DEPDC5: variants seen among roughly 807,000 people sequenced by gnomAD.
DEPDC5 encodes the protein DEP domain containing 5, GATOR1 subcomplex subunit, also known as GATOR1 complex protein DEPDC5.
In DEPDC5, 73 loss-of-function variants were observed where a neutral mutation model predicts 217.3. That is an observed-to-expected ratio of 0.34 (90% CI 0.28 to 0.41). The LOEUF (loss-of-function observed/expected upper bound fraction) is 0.41, where lower values mean the gene tolerates loss of function less well. Among genes scored for constraint, DEPDC5 ranks in the 10% least tolerant of loss-of-function variants. The pLI is 1.00. For synonymous variants in DEPDC5, 733 were observed against 756.7 expected (o/e 0.97, Z 0.51); for missense variants, 1,675 against 2,070.1 (o/e 0.81, Z 3.70).
chr22:31,783,696 C>T (rs1307073399), intron 8 of DEPDC5, among the ~76,000 whole-genome samples: 4 of 152,078 alleles, frequency 2.6e-5, no homozygotes, highest in African/African-American at 7.2e-5. Context: ...AGAAGTCCAA[C>T]ATTGCAAGAT....
intron 24 of DEPDC5, among the ~76,000 whole-genome samples, chr22:31,830,556 T>G (rs1421447980): frequency 6.6e-6 from 1 of 152,050 alleles, no homozygotes; most frequent in Non-Finnish European, 1.5e-5. Context: ...TGGAAGTCCT[T>G]AAAATATTTG....
Position 31,821,640 on chromosome 22 carries a change from G to A in DEPDC5, c.2006+3G>A, listed in dbSNP as rs752184633. The A allele has an allele frequency of 2.9e-5, 46 of 1,612,800 alleles. No homozygotes were observed. Among genetic ancestry groups the A allele is most frequent in the Admixed American group, 6.7e-5 (4 of 59,996 alleles). Reference sequence around the variant, plus strand: ...GCATATCATGAAGCTGCTGGAAGGTGAGGATGTGCACAGGGCTCTGGAAGG... The same window carrying A: ...GCATATCATGAAGCTGCTGGAAGGTAAGGATGTGCACAGGGCTCTGGAAGG... On this transcript the variant is annotated splice_donor_region_variant and intron_variant, in intron 23 of 42. Transcript: ENST00000651528.
intron 15 of DEPDC5, among the ~76,000 whole-genome samples, chr22:31,803,912 C>A (rs2087172816): frequency 6.6e-6 from 1 of 152,048 alleles, no homozygotes; most frequent in South Asian, 2.1e-4. Flanking sequence ...CAAGTCATGA[C>A]CTGTAGGACA....
At chr22:31,844,750 C>T in intron 29 of DEPDC5, 1 of 218,470 alleles carries the variant, frequency 4.6e-6, no homozygotes, top group Non-Finnish European at 8.1e-6. Flanking sequence ...GAGATGGGGT[C>T]TCGCCATGTT....
At chr22:31,876,134 C>G (rs762912453) in intron 36 of DEPDC5, 23 bp from the exon 37 acceptor site, 59 of 1,611,110 alleles carry the variant, frequency 3.7e-5, no homozygotes, top group Non-Finnish European at 4.8e-5. Flanking sequence ...GCAGGAATTT[C>G]AGAGTTTCAA....
At chr22:31,797,492 C>T (rs2148572632) in intron 12 of DEPDC5, 108 bp from the exon 13 acceptor site, 1 of 833,052 alleles carries the variant, frequency 1.2e-6, no homozygotes, top group Non-Finnish European at 2.0e-6. Context: ...CCACCAGGTT[C>T]CTCCCTCGAC....
At chr22:31,884,559 A>T (rs2093260237) in intron 38 of DEPDC5, among the ~76,000 whole-genome samples, 1 of 152,066 alleles carries the variant, frequency 6.6e-6, no homozygotes, top group East Asian at 1.9e-4. Context: ...TTCATTTTAA[A>T]ATCAGTTTCC....
At chr22:31,857,399 AG>A in intron 31 of DEPDC5, 45 bp from the exon 32 acceptor site, 3 of 1,512,636 alleles carry the variant, frequency 2.0e-6, no homozygotes, top group South Asian at 2.4e-5. Flanking sequence ...ATCCTTCACC[AG>A]GGAGCTCTGA....
At chr22:31,848,605 A>T (rs1569098832) in intron 31 of DEPDC5, among the ~76,000 whole-genome samples, 1 of 152,088 alleles carries the variant, frequency 6.6e-6, no homozygotes, top group Non-Finnish European at 1.5e-5. Flanking sequence ...CAGGCCCAGG[A>T]AACCAATTTT....
At chr22:31,830,407 C>T (rs991595154) in intron 24 of DEPDC5, among the ~76,000 whole-genome samples, 2 of 152,262 alleles carry the variant, frequency 1.3e-5, no homozygotes, top group Non-Finnish European at 2.9e-5. Context: ...TGAGGTTTCA[C>T]CTCCATCATT....
intron 7 of DEPDC5, among the ~76,000 whole-genome samples, chr22:31,773,956 A>G (rs1474987154): frequency 7.9e-5 from 12 of 152,068 alleles, no homozygotes; most frequent in Admixed American, 7.9e-4. Flanking sequence ...CTGTAATCCC[A>G]GCTACTCGGG....
At chr22:31,771,648 A>T in intron 7 of DEPDC5, among the ~76,000 whole-genome samples, 1 of 147,364 alleles carries the variant, frequency 6.8e-6, no homozygotes, top group African/African-American at 2.5e-5. Flanking sequence ...TGAACCAGGG[A>T]GTCAGAGGTT....
At chr22:31,774,370 T>C (rs1010768738) in intron 7 of DEPDC5, among the ~76,000 whole-genome samples, 7 of 151,754 alleles carry the variant, frequency 4.6e-5, no homozygotes, top group Non-Finnish European at 1.0e-4. Context: ...TGGCTAATTT[T>C]GTGTTTTTAG....
intron 12 of DEPDC5, among the ~76,000 whole-genome samples, chr22:31,795,221 C>T (rs2086110485): frequency 6.6e-6 from 1 of 151,824 alleles, no homozygotes; most frequent in South Asian, 2.1e-4. Context: ...AGGCATCTGC[C>T]ATCACACCTG....
At position 31,905,990 on chromosome 22, in the gene DEPDC5, G is replaced by T; in HGVS notation, c.4443G>T (p.Gly1481=). The change falls in exon 42 of 43, where the codon GGG becomes GGT. Residue 1481 remains glycine, a synonymous_variant. Transcript: ENST00000651528. ...TCTTCCTGTCCTTCCCTAGGTTTGG[G>T]TTTGTACAAGATAAATATTCTGCCT... The part of the protein sequence containing the change: ...LFQEAIAHRF[G]FVQDKYSASA... 6.2e-7 allele frequency: 1 copy of T among 1,614,096 alleles called. No individual in the cohort carries two copies. The highest frequency in any genetic ancestry group is 8.5e-7 in the Non-Finnish European group (1 of 1,180,000).
chr22:31,754,415 A>T (rs1200501775), intron 1 of DEPDC5, among the ~76,000 whole-genome samples: 1 of 152,236 alleles, frequency 6.6e-6, no homozygotes, highest in Non-Finnish European at 1.5e-5. Flanking sequence ...TGCTCAGGAC[A>T]TTGGCAGCAA....
At chr22:31,867,143 T>G (rs893752357) in intron 33 of DEPDC5, among the ~76,000 whole-genome samples, 20 of 152,198 alleles carry the variant, frequency 1.3e-4, no homozygotes, top group Middle Eastern at 3.2e-3. Flanking sequence ...GGAATCTACG[T>G]GCGACATCTG....
chr22:31,825,392 C>T (rs2090061716), intron 24 of DEPDC5, among the ~76,000 whole-genome samples: 1 of 152,124 alleles, frequency 6.6e-6, no homozygotes, highest in Non-Finnish European at 1.5e-5. Flanking sequence ...GCTAAGGGTT[C>T]CCTGGCAGAC....
At chr22:31,766,406 A>G (rs1033988515) in intron 5 of DEPDC5, among the ~76,000 whole-genome samples, 179 bp from the exon 6 acceptor site, 4 of 152,228 alleles carry the variant, frequency 2.6e-5, no homozygotes, top group Non-Finnish European at 5.9e-5. Flanking sequence ...TTTACCAACT[A>G]TACTGAAAAG....
Sources: allele counts gnomAD v4.1 joint callset (sites outside exome capture counted in the v4.1 genomes callset), GRCh38; gene constraint gnomAD v4.1.1; transcripts MANE v1.5; gene names NCBI Gene and HGNC (gene_info 2026-07-23, HGNC 2026-07-21).